Variants in LPCAT2 observed in about 807,000 individuals in gnomAD.
LPCAT2 encodes 1-AGP acyltransferase 11.
In LPCAT2, 58 loss-of-function variants were observed where a neutral mutation model predicts 64.7. The ratio of observed to expected loss-of-function variants is 0.90; its 90% CI spans 0.73 to 1.12. The LOEUF is 1.12. Among genes scored for constraint, LPCAT2 ranks in the 50% most tolerant of loss-of-function variants. The pLI is 0.00. For missense variants in LPCAT2, 579 were observed against 669.8 expected, an observed-to-expected ratio of 0.86 and a Z score of 1.50; for synonymous variants, 252 against 245.3, an observed-to-expected ratio of 1.03 and a Z score of -0.26.
intron 1 of LPCAT2, among the ~76,000 whole-genome samples, chr16:55,521,051 C>T (rs959235043): frequency 2.6e-5 from 4 of 151,640 alleles, no homozygotes; most frequent in Non-Finnish European, 4.4e-5. Context: ...TAAAATCAAA[C>T]ATTTGTTTAA....
chr16:55,545,289 A>T (rs903722021), intron 8 of LPCAT2, among the ~76,000 whole-genome samples: 21 of 152,240 alleles, frequency 1.4e-4, no homozygotes, highest in Admixed American at 4.6e-4. Flanking sequence ...TATGGTTGAC[A>T]TTAGAATGGA....
rs1963923053 is a variant in LPCAT2 at position 55,584,532 on chromosome 16, C to T, written c.*1434C>T. 1.3e-5 allele frequency: 2 copies of T among 152,074 alleles called. No homozygotes were observed. The highest frequency in any genetic ancestry group is 1.3e-4 in the Admixed American group (2 of 15,256). 9.4% of individuals were successfully genotyped at this position (152,074 alleles called of 1,614,324 possible). On this transcript the variant is annotated 3_prime_UTR_variant, in exon 14 of 14. Coordinates refer to ENST00000262134, the MANE Select transcript of LPCAT2 (RefSeq NM_017839.5). ...CATGTTTGAGGTTTTCAACAAAGAA[C>T]CAATTTATTAATATAATGTACAAAA...
chr16:55,582,392 T>G (rs1386660591), intron 13 of LPCAT2, among the ~76,000 whole-genome samples: 1 of 152,248 alleles, frequency 6.6e-6, no homozygotes, highest in Non-Finnish European at 1.5e-5. Context: ...TCTAAGTTTT[T>G]GGGCTTTATA....
intron 11 of LPCAT2, among the ~76,000 whole-genome samples, chr16:55,561,021 T>C (rs1338460612): frequency 1.3e-5 from 2 of 152,078 alleles, no homozygotes; most frequent in Non-Finnish European, 2.9e-5. Context: ...ATCAACTTTC[T>C]ATCTGTATAG....
chr16:55,509,887 A>G (rs752758283), intron 1 of LPCAT2, among the ~76,000 whole-genome samples: 1 of 151,932 alleles, frequency 6.6e-6, no homozygotes, highest in Non-Finnish European at 1.5e-5. Flanking sequence ...TCCATGCCCC[A>G]GAAGGTTGAA....
At chr16:55,527,465 G>A (rs568023159) in intron 2 of LPCAT2, among the ~76,000 whole-genome samples, 132 of 129,758 alleles carry the variant, frequency 1.0e-3, no homozygotes, top group African/African-American at 3.7e-3. Flanking sequence ...GGGCACCAGA[G>A]CAAAACTCCA....
At chr16:55,552,224 C>A (rs1596874171) in intron 11 of LPCAT2, among the ~76,000 whole-genome samples, 1 of 152,128 alleles carries the variant, frequency 6.6e-6, no homozygotes, top group Non-Finnish European at 1.5e-5. Context: ...TGGCTTCTTT[C>A]ACCAAGTATA....
At chr16:55,574,284 A>C (rs187817717) in intron 11 of LPCAT2, among the ~76,000 whole-genome samples, 4 of 152,268 alleles carry the variant, frequency 2.6e-5, no homozygotes, top group Admixed American at 1.3e-4. Flanking sequence ...GTAATGGTGG[A>C]ATGAACACTT....
chr16:55,566,869 G>A (rs764105790), intron 11 of LPCAT2: 1 of 1,613,884 alleles, frequency 6.2e-7, no homozygotes, highest in Non-Finnish European at 8.5e-7. Flanking sequence ...AGAAATATTG[G>A]AGGGATAGTT....
intron 11 of LPCAT2, among the ~76,000 whole-genome samples, chr16:55,572,872 T>C (rs1963786484): frequency 6.6e-6 from 1 of 152,086 alleles, no homozygotes; most frequent in Non-Finnish European, 1.5e-5. Flanking sequence ...AAACCGTACA[T>C]TTAAAATGGA....
chr16:55,584,778 T>A lies in LPCAT2; in HGVS notation c.*1680T>A, dbSNP rs1361557237. ...TTAGTGTTCTAATTTAATGGGTAAA[T>A]GTGTGTTTGGATAAATATCTGAAAA... On this transcript the variant is annotated 3_prime_UTR_variant, in exon 14 of 14. Coordinates refer to ENST00000262134, the MANE Select transcript of LPCAT2 (RefSeq NM_017839.5). The A allele has an allele frequency of 6.6e-6, 1 of 152,182 alleles. No individual in the cohort carries two copies. Among genetic ancestry groups the A allele is most frequent in the Non-Finnish European group, 1.5e-5 (1 of 68,016 alleles). The allele number at this position is 152,182 out of a possible 1,614,324, so 9.4% of individuals were successfully genotyped here.
intron 10 of LPCAT2, 137 bp downstream of exon 10, chr16:55,549,539 A>G: frequency 2.6e-6 from 2 of 760,368 alleles, no homozygotes; most frequent in Non-Finnish European, 3.9e-6. Flanking sequence ...AGAGTTGAGA[A>G]TTTATCTCAC....
At position 55,532,836 on chromosome 16, in the gene LPCAT2, C is replaced by T; in HGVS notation, c.716C>T (p.Pro239Leu). The part of the protein sequence containing the change: ...LITFKPGAFI[P>L]GVPVQPVLLR... ...AATGTGGTTGCAGGAGCCTTCATTC[C>T]AGGAGTTCCAGTGCAGCCAGTCCTC... The change falls in exon 6 of 14, where the codon CCA becomes CTA. Residue 239 changes from proline (P) to leucine (L), a missense_variant. Transcript: ENST00000262134. 1 of 1,611,672 alleles carries T rather than the reference C, an allele frequency of 6.2e-7. No homozygotes were observed. The highest frequency in any genetic ancestry group is 8.5e-7 in the Non-Finnish European group (1 of 1,178,438).
chr16:55,513,564 C>G lies in LPCAT2; in HGVS notation c.171+4212C>G, dbSNP rs560518613. On this transcript the variant is annotated intron_variant, in intron 1 of 13. Coordinates refer to ENST00000262134, the MANE Select transcript of LPCAT2 (RefSeq NM_017839.5). ...ACTTTGTCTTAGCTCTGAAAATTAA[C>G]CAAAGGCTTTCAACAATCCAAGGAG... 4.6e-5 allele frequency among the ~76,000 whole-genome samples: 7 copies of G among 151,970 alleles called. No individual in the cohort carries two copies. The South Asian group carries it at 1.5e-3, about 32-fold the overall frequency.
At chr16:55,537,334 T>C (rs2142387631) in intron 7 of LPCAT2, among the ~76,000 whole-genome samples, 1 of 151,022 alleles carries the variant, frequency 6.6e-6, no homozygotes, top group Middle Eastern at 3.4e-3. Flanking sequence ...GAGGCTGCAG[T>C]GAGCCGTGAT....
At chr16:55,523,998 CT>C (rs1567392265) in intron 1 of LPCAT2, among the ~76,000 whole-genome samples, 1 of 151,740 alleles carries the variant, frequency 6.6e-6, no homozygotes, top group Non-Finnish European at 1.5e-5. Flanking sequence ...TCCACTGATA[CT>C]TTTAAATGAC....
intron 5 of LPCAT2, 44 bp from the exon 6 acceptor site, chr16:55,532,780 T>G (rs1567395265): frequency 1.5e-6 from 2 of 1,378,374 alleles, no homozygotes; most frequent in Admixed American, 1.7e-5. Context: ...CATAAAACTT[T>G]TATTCACATA....
chr16:55,541,168 A>C (rs141947472), intron 8 of LPCAT2: 2 of 152,166 alleles, frequency 1.3e-5, no homozygotes, highest in African/African-American at 4.8e-5. Context: ...CAGATAAGGG[A>C]GACTATTGTG....
chr16:55,529,777 T>A, intron 3 of LPCAT2, 58 bp from the exon 4 acceptor site: 1 of 823,308 alleles, frequency 1.2e-6, no homozygotes, highest in Non-Finnish European at 2.0e-6. Flanking sequence ...CCAGTATTAT[T>A]GCTGTGGTTG....
Sources: allele counts gnomAD v4.1 joint callset (sites outside exome capture counted in the v4.1 genomes callset), GRCh38; gene constraint gnomAD v4.1.1; transcripts MANE v1.5; gene names NCBI Gene and HGNC (gene_info 2026-07-23, HGNC 2026-07-21).